The following PHLDB2 variants were observed in gnomAD, a reference collection of about 807,000 sequenced individuals.
PHLDB2 encodes the protein pleckstrin homology-like domain family B member 2.
Under a neutral mutation model 123.6 loss-of-function variants are expected in PHLDB2, and 71 were observed. The ratio of observed to expected loss-of-function variants is 0.57; its 90% CI spans 0.47 to 0.70. The LOEUF is 0.70. PHLDB2 is among the 30% of genes least tolerant of loss of function. The probability of loss-of-function intolerance (pLI) is 0.00; values close to 1 mark genes in which losing one functional copy is unlikely to be tolerated. For missense variants in PHLDB2, 1,446 were observed against 1,519.5 expected (o/e 0.95, Z 0.80); for synonymous variants, 547 against 541.6 (o/e 1.01, Z -0.14).
At chr3:111,968,560 T>TA (rs2071960523) in intron 15 of PHLDB2, among the ~76,000 whole-genome samples, 1 of 152,244 alleles carries the variant, frequency 6.6e-6, no homozygotes. Context: ...AGCTGAACTC[T>TA]ATTTTATCAA....
chr3:111,895,054 TG>T (rs202001592), intron 2 of PHLDB2, among the ~76,000 whole-genome samples: 26,213 of 148,726 alleles, frequency 0.18, 3,051 homozygotes, highest in African/African-American at 0.32. Context: ...TAACTGAGAG[TG>T]AAAAAAAAAA....
rs1299594961 is a variant in PHLDB2, at chr3:111,949,079, T to C, written c.2631+4T>C. The C allele has an allele frequency of 1.9e-6, 3 of 1,613,434 alleles. No individual in the cohort carries two copies. In the Admixed American group the frequency reaches 5.0e-5, roughly 27 times the overall value. On this transcript the variant is annotated splice_donor_region_variant and intron_variant, in intron 10 of 17. Coordinates refer to ENST00000431670, the MANE Select transcript of PHLDB2 (RefSeq NM_001134438.2). ...GAGCCAGCCACAGAGTAAAGAGGTG[T>C]GTAGGCATGACGTTTCATTCATTCA...
intron 1 of PHLDB2, among the ~76,000 whole-genome samples, chr3:111,809,818 G>A (rs1214885548): frequency 6.6e-6 from 1 of 152,126 alleles, no homozygotes; most frequent in Non-Finnish European, 1.5e-5. Flanking sequence ...TGTAATAAAA[G>A]AGTATGCAAA....
chr3:111,782,869 T>G (rs2060533778), intron 1 of PHLDB2, among the ~76,000 whole-genome samples: 1 of 152,108 alleles, frequency 6.6e-6, no homozygotes, highest in African/African-American at 2.4e-5. Flanking sequence ...TTTTGAAATA[T>G]TTTTAGACAT....
intron 1 of PHLDB2, among the ~76,000 whole-genome samples, chr3:111,742,769 A>G (rs2059625330): frequency 6.6e-6 from 1 of 152,200 alleles, no homozygotes; most frequent in Non-Finnish European, 1.5e-5. Flanking sequence ...TGCAATAAAC[A>G]TACGTGTGCA....
At chr3:111,763,073 G>C (rs1000096100) in intron 1 of PHLDB2, among the ~76,000 whole-genome samples, 2 of 152,174 alleles carry the variant, frequency 1.3e-5, no homozygotes, top group African/African-American at 4.8e-5. Context: ...GCAGCCCCAA[G>C]GAAAGGCAGG....
chr3:111,735,732 C>T (rs1198205031), intron 1 of PHLDB2, among the ~76,000 whole-genome samples: 1 of 152,192 alleles, frequency 6.6e-6, no homozygotes, highest in Non-Finnish European at 1.5e-5. Flanking sequence ...CTCATCACAA[C>T]ATTTCACCTG....
rs769332162 is a variant in PHLDB2, at chr3:111,920,398, C to T, written c.1980C>T (p.Asn660=). Residue 660 remains asparagine (N), a synonymous_variant, in exon 5 of 18, where the codon AAC becomes AAT. Coordinates refer to ENST00000431670, the MANE Select transcript of PHLDB2 (RefSeq NM_001134438.2). ...LNRKIAELEK[N]IVGEKTKEKV... is the part of the protein sequence containing the mutation. ...GGAAAATAGCTGAACTGGAAAAGAA[C>T]ATTGTTGGTGAAAAGACCAAGGTAA... is the stretch of plus-strand genomic sequence containing the variant. 6.2e-6 allele frequency: 10 copies of T among 1,613,306 alleles called. No homozygotes were observed. The highest frequency in any genetic ancestry group is 3.3e-5 in the South Asian group (3 of 90,892).
At chr3:111,900,207 A>G (rs548703425) in intron 2 of PHLDB2, among the ~76,000 whole-genome samples, 2 of 152,328 alleles carry the variant, frequency 1.3e-5, no homozygotes, top group Admixed American at 1.3e-4. Flanking sequence ...CATCAGCAGT[A>G]AGGCTGTTTC....
At chr3:111,912,411 A>C (rs2067938115) in intron 2 of PHLDB2, among the ~76,000 whole-genome samples, 2 of 152,212 alleles carry the variant, frequency 1.3e-5, no homozygotes, top group African/African-American at 4.8e-5. Context: ...TAAATTAATC[A>C]AAGATTTAAT....
intron 1 of PHLDB2, among the ~76,000 whole-genome samples, chr3:111,765,830 C>A (rs1358290084): frequency 6.6e-6 from 1 of 152,112 alleles, no homozygotes; most frequent in Non-Finnish European, 1.5e-5. Context: ...AGAAGCCAAC[C>A]TCTAATCAAT....
At chr3:111,940,450 AT>A in intron 7 of PHLDB2, 84 bp from the exon 8 acceptor site, 1 of 684,514 alleles carries the variant, frequency 1.5e-6, no homozygotes, top group Non-Finnish European at 2.4e-6. Flanking sequence ...AGTGGTGAAA[AT>A]TTTTTTCTCC....
At chr3:111,885,628 G>A (rs988369230) in intron 2 of PHLDB2, 5 of 722,082 alleles carry the variant, frequency 6.9e-6, no homozygotes, top group Non-Finnish European at 1.2e-5. Context: ...AGGAATTAAT[G>A]TTAATTTAGT....
chr3:111,821,640 A>G (rs147357943), intron 1 of PHLDB2, among the ~76,000 whole-genome samples: 14 of 152,326 alleles, frequency 9.2e-5, no homozygotes, highest in East Asian at 5.8e-4. Flanking sequence ...TTAAATATTA[A>G]TCTTAAAAAA....
intron 1 of PHLDB2, among the ~76,000 whole-genome samples, chr3:111,829,070 GCT>G (rs2062808420): frequency 6.6e-6 from 1 of 152,122 alleles, no homozygotes; most frequent in Non-Finnish European, 1.5e-5. Context: ...TTTCTGAGTA[GCT>G]AAGTGACTGT....
At chr3:111,765,601 AT>A (rs2060065324) in intron 1 of PHLDB2, among the ~76,000 whole-genome samples, 1 of 152,220 alleles carries the variant, frequency 6.6e-6, no homozygotes, top group Admixed American at 6.5e-5. Flanking sequence ...AGCAAGTGGC[AT>A]TTTTAACTCC....
chr3:111,793,618 G>A (rs1018633380), intron 1 of PHLDB2, among the ~76,000 whole-genome samples: 1 of 151,964 alleles, frequency 6.6e-6, no homozygotes, highest in South Asian at 2.1e-4. Flanking sequence ...GGAATGTGCT[G>A]GGTCTCACCT....
At chr3:111,814,953 G>C (rs1434965533) in intron 1 of PHLDB2, among the ~76,000 whole-genome samples, 3 of 152,186 alleles carry the variant, frequency 2.0e-5, no homozygotes, top group African/African-American at 7.2e-5. Flanking sequence ...GAACCTGGTG[G>C]GAGGTGATTG....
chr3:111,764,310 G>A, intron 1 of PHLDB2, among the ~76,000 whole-genome samples: 1 of 152,302 alleles, frequency 6.6e-6, no homozygotes, highest in South Asian at 2.1e-4. Context: ...TCTCCTAAAA[G>A]CACTTACAAC....
Sources: gnomAD v4.1 joint callset for allele counts (sites outside exome capture counted in the v4.1 genomes callset) on GRCh38, gnomAD v4.1.1 for gene constraint, MANE v1.5 for transcripts, NCBI Gene and HGNC (gene_info 2026-07-23, HGNC 2026-07-21) for gene names.